Variants in SCHIP1 observed in about 807,000 individuals in gnomAD.
The protein encoded by SCHIP1 is schwannomin interacting protein 1.
In SCHIP1, 8 loss-of-function variants were observed where a neutral mutation model predicts 29.7. The observed-to-expected ratio is 0.27, with a 90% CI of 0.16 to 0.49. The LOEUF is 0.49. Ranked by LOEUF, SCHIP1 falls within the 20% of genes least tolerant of loss-of-function variation. SCHIP1 has a pLI of 0.99. For synonymous variants in SCHIP1, 76 were observed against 94.9 expected (o/e 0.80, Z 1.16); for missense variants, 193 against 294.6 (o/e 0.66, Z 2.52).
chr3:159,843,403 T>G (rs1248851464), intron 1 of SCHIP1, among the ~76,000 whole-genome samples: 1 of 152,174 alleles, frequency 6.6e-6, no homozygotes, highest in Non-Finnish European at 1.5e-5. Flanking sequence ...ATTTTCTGGC[T>G]CCCTCACTCA....
the SCHIP1 span, among the ~76,000 whole-genome samples, chr3:159,686,984 A>G: frequency 6.6e-6 from 1 of 152,066 alleles, no homozygotes; most frequent in Non-Finnish European, 1.5e-5. Context: ...TCCTCACTGC[A>G]CCCACTACAG....
chr3:159,588,187 T>C, the SCHIP1 span, among the ~76,000 whole-genome samples: 2 of 152,240 alleles, frequency 1.3e-5, no homozygotes, highest in African/African-American at 4.8e-5. Context: ...GGTATCTCAT[T>C]GTGATTTTGA....
At chr3:159,683,905 CT>C in the SCHIP1 span, among the ~76,000 whole-genome samples, 1 of 151,536 alleles carries the variant, frequency 6.6e-6, no homozygotes, top group South Asian at 2.1e-4. Context: ...ACTTTGTTTC[CT>C]TTGTGTAAAA....
At chr3:159,292,896 C>A in the SCHIP1 span, among the ~76,000 whole-genome samples, 3 of 152,060 alleles carry the variant, frequency 2.0e-5, no homozygotes, top group African/African-American at 7.2e-5. Context: ...TCTAAAAGCA[C>A]TAGTCTTTCT....
At chr3:159,825,749 G>A in the SCHIP1 span, among the ~76,000 whole-genome samples, 2 of 151,920 alleles carry the variant, frequency 1.3e-5, no homozygotes, top group Non-Finnish European at 2.9e-5. Context: ...GCAAATCAAC[G>A]TTACAAATCC....
intron 2 of SCHIP1, among the ~76,000 whole-genome samples, chr3:159,873,947 TTA>T (rs1280718909): frequency 1.3e-5 from 2 of 152,188 alleles, no homozygotes; most frequent in African/African-American, 4.8e-5. Flanking sequence ...TCAGTTAGCA[TTA>T]TGTTTCAGAT....
intron 4 of SCHIP1, 67 bp from the exon 6 acceptor site, chr3:159,888,753 G>A: frequency 6.4e-7 from 1 of 1,572,408 alleles, no homozygotes; most frequent in Non-Finnish European, 8.6e-7. Context: ...AGAGAAAACT[G>A]GGTCTTAACG....
At chr3:159,464,341 G>T in the SCHIP1 span, among the ~76,000 whole-genome samples, 1 of 152,170 alleles carries the variant, frequency 6.6e-6, no homozygotes, top group Admixed American at 6.6e-5. Flanking sequence ...CCAACAAGTT[G>T]CTATGCACCC....
At chr3:159,354,273 ATCT>A in the SCHIP1 span, among the ~76,000 whole-genome samples, 18 of 152,184 alleles carry the variant, frequency 1.2e-4, 1 homozygote, top group Admixed American at 1.1e-3. Context: ...ACTTAGTGTA[ATCT>A]TCTAATTCTG....
chr3:159,467,710 G>C, the SCHIP1 span, among the ~76,000 whole-genome samples: 1 of 152,088 alleles, frequency 6.6e-6, no homozygotes, highest in Admixed American at 6.6e-5. Context: ...ATTGTATAAA[G>C]TCTTGCCAAT....
the SCHIP1 span, among the ~76,000 whole-genome samples, chr3:159,678,906 G>C: frequency 1.3e-5 from 2 of 152,230 alleles, no homozygotes; most frequent in Admixed American, 1.3e-4. Context: ...CACGAGAACA[G>C]TATAGAGAAT....
chr3:159,500,934 G>T, the SCHIP1 span, among the ~76,000 whole-genome samples: 3 of 151,994 alleles, frequency 2.0e-5, no homozygotes, highest in Non-Finnish European at 4.4e-5. Context: ...AGTTTACTCT[G>T]GTTCCTACTC....
chr3:159,469,960 A>G, the SCHIP1 span, among the ~76,000 whole-genome samples: 10 of 152,150 alleles, frequency 6.6e-5, no homozygotes, highest in Admixed American at 4.6e-4. Context: ...ATAACCAAGT[A>G]TGTTTCATTC....
At chr3:159,354,148 G>C in the SCHIP1 span, among the ~76,000 whole-genome samples, 14 of 152,052 alleles carry the variant, frequency 9.2e-5, no homozygotes, top group African/African-American at 3.4e-4. Context: ...TGACTTATAA[G>C]ACTAAAAACA....
the SCHIP1 span, among the ~76,000 whole-genome samples, chr3:159,581,489 G>A: frequency 2.6e-5 from 4 of 152,164 alleles, no homozygotes; most frequent in Admixed American, 6.5e-5. Flanking sequence ...CAAAGACCAA[G>A]TGGGGAGCCA....
chr3:159,275,902 A>G, the SCHIP1 span, among the ~76,000 whole-genome samples: 1 of 152,070 alleles, frequency 6.6e-6, no homozygotes, highest in Non-Finnish European at 1.5e-5. Context: ...GTTGAGTGAC[A>G]TTTTGCTTTT....
the SCHIP1 span, among the ~76,000 whole-genome samples, chr3:159,326,311 A>G: frequency 6.6e-6 from 1 of 152,160 alleles, no homozygotes; most frequent in African/African-American, 2.4e-5. Context: ...TGAATATTGA[A>G]CCTGGACTCA....
chr3:159,659,963 G>A, the SCHIP1 span, among the ~76,000 whole-genome samples: 1 of 152,282 alleles, frequency 6.6e-6, no homozygotes, highest in South Asian at 2.1e-4. Flanking sequence ...GTTAATAGAA[G>A]TTCAAGCAAC....
chr3:159,312,160 T>C, the SCHIP1 span, among the ~76,000 whole-genome samples: 9 of 152,096 alleles, frequency 5.9e-5, no homozygotes, highest in Non-Finnish European at 1.0e-4. Context: ...GAGCCAGGGA[T>C]CTCCTATATT....
Sources: allele counts gnomAD v4.1 joint callset (sites outside exome capture counted in the v4.1 genomes callset), GRCh38; gene constraint gnomAD v4.1.1; transcripts MANE v1.5; gene names NCBI Gene and HGNC (gene_info 2026-07-23, HGNC 2026-07-21).